SLC5A2: variants seen among roughly 807,000 people sequenced by gnomAD.
SLC5A2 encodes sodium/glucose cotransporter 2.
A neutral mutation model predicts 69.0 loss-of-function variants in SLC5A2; 67 were observed. That is an observed-to-expected ratio of 0.97 (90% CI 0.80 to 1.19). The LOEUF (loss-of-function observed/expected upper bound fraction) is 1.19. Among genes scored for constraint, SLC5A2 ranks in the 50% most tolerant of loss-of-function variants. SLC5A2 has a pLI of 0.00. For synonymous variants in SLC5A2, 455 were observed against 395.8 expected (o/e 1.15, Z -1.78); for missense variants, 1,001 against 921.5 (o/e 1.09, Z -1.12).
In SLC5A2 at chr16:31,487,634, T is replaced by G. The variant is rs753561499; in HGVS notation, c.760T>G (p.Phe254Val). 7 of 1,613,852 alleles carry G rather than the reference T, an allele frequency of 4.3e-6. No individual in the cohort carries two copies. Among genetic ancestry groups the G allele is most frequent in the Non-Finnish European group, 5.1e-6 (6 of 1,179,978 alleles). Reference sequence around the variant, plus strand: ...TCCAGCCGTGGGAAACATCTCCAGCTTCTGCTATCGACCCCGGCCCGACTC... The same window carrying G: ...TCCAGCCGTGGGAAACATCTCCAGCGTCTGCTATCGACCCCGGCCCGACTC... Reference protein sequence around the residue: ...EDPAVGNISSFCYRPRPDSYH... With the variant: ...EDPAVGNISSVCYRPRPDSYH... Residue 254 changes from phenylalanine (F) to valine (V), a missense_variant, in exon 7 of 14, where the codon TTC becomes GTC. Coordinates refer to ENST00000330498, the MANE Select transcript of SLC5A2 (RefSeq NM_003041.4).
rs1449545926 is a variant in SLC5A2, at chr16:31,483,164, G to A, written c.28G>A (p.Ala10Thr). The A allele has an allele frequency of 1.2e-6, 2 of 1,614,010 alleles. No individual in the cohort carries two copies. The highest frequency in any genetic ancestry group is 1.1e-5 in the South Asian group (1 of 91,080). The part of the protein sequence containing the change: MEEHTEAGS[A>T]PEMGAQKALI... ...GGAGGAGCACACAGAGGCAGGCTCG[G>A]CACCAGAGATGGGGGCCCAGAAGGC... The change falls in exon 1 of 14, where the codon GCA becomes ACA. Residue 10 changes from alanine to threonine, a missense_variant. Transcript: ENST00000330498.
At chr16:31,485,091 G>A (rs2082485382) in intron 3 of SLC5A2, 168 bp downstream of exon 3, 11 of 717,128 alleles carry the variant, frequency 1.5e-5, no homozygotes, top group Middle Eastern at 3.4e-4. Context: ...AGGAAGCAGA[G>A]GGGTGCAGGG....
chr16:31,488,725 G>A lies in SLC5A2; in HGVS notation c.1233G>A (p.Thr411=), dbSNP rs2082524566. The A allele has an allele frequency of 2.5e-6, 4 of 1,611,250 alleles. No individual in the cohort carries two copies. Among genetic ancestry groups the A allele is most frequent in the Non-Finnish European group, 3.4e-6 (4 of 1,178,916 alleles). The change falls in exon 10 of 14, where the codon ACG becomes ACA. Residue 411 remains threonine, a synonymous_variant. Coordinates refer to ENST00000330498, the MANE Select transcript of SLC5A2 (RefSeq NM_003041.4). ...CGCTCTTCACCATGGACATCTACAC[G>A]CGCCTGCGGCCACGCGCCGGCGACC... ...SSTLFTMDIY[T]RLRPRAGDRE...
chr16:31,488,104 G>C lies in SLC5A2; in HGVS notation c.952G>C (p.Gly318Arg), dbSNP rs2082515111. Residue 318 changes from glycine to arginine, a missense_variant, in exon 8 of 14, where the codon GGG becomes CGG. By Grantham distance (125) the Gly-to-Arg change is moderately radical. Coordinates refer to ENST00000330498, the MANE Select transcript of SLC5A2 (RefSeq NM_003041.4). ...CATCAAGGCGGGCTGCATCCTGTGT[G>C]GGTACCTGAAGCTGACGCCCATGTT... ...THIKAGCILC[G>R]YLKLTPMFLM... 2 of 1,614,088 alleles carry C rather than the reference G, an allele frequency of 1.2e-6. No individual in the cohort carries two copies. The highest frequency in any genetic ancestry group is 1.7e-6 in the Non-Finnish European group (2 of 1,179,978).
rs768128040 is a variant in SLC5A2 at position 31,487,411 on chromosome 16, G to A, written c.655+11G>A. ...TCCTCATGGGTTACGGTAGGGGCTC[G>A]CCTACCAGGGAGGGGCGCGGAGGGC... On this transcript the variant is annotated intron_variant, in intron 6 of 13. Coordinates refer to ENST00000330498, the MANE Select transcript of SLC5A2 (RefSeq NM_003041.4). 3.1e-6 allele frequency: 5 copies of A among 1,612,510 alleles called. No individual in the cohort carries two copies. Among genetic ancestry groups the A allele is most frequent in the East Asian group, 2.2e-5 (1 of 44,868 alleles).
intron 5 of SLC5A2, among the ~76,000 whole-genome samples, chr16:31,486,872 C>A (rs1408634320): frequency 6.6e-6 from 1 of 152,194 alleles, no homozygotes; most frequent in African/African-American, 2.4e-5. Context: ...TGGTGAAACC[C>A]CGTCTCTACT....
chr16:31,489,228 G>C lies in SLC5A2; in HGVS notation c.1555G>C (p.Ala519Pro). ...CTGTGTGCAGCCCTCGGCGTGCCCA[G>C]CTTTCCTCTGCGGCGTGCACTACCT... The part of the protein sequence containing the change: ...GSCVQPSACP[A>P]FLCGVHYLYF... The change falls in exon 12 of 14, where the codon GCT (alanine) becomes CCT (proline). Residue 519 changes from alanine to proline, a missense_variant. Physicochemically the swap from Ala to Pro is conservative, Grantham distance 27. Coordinates refer to ENST00000330498, the MANE Select transcript of SLC5A2 (RefSeq NM_003041.4). 6.2e-7 allele frequency: 1 copy of C among 1,610,428 alleles called. No individual in the cohort carries two copies. Among genetic ancestry groups the C allele is most frequent in the Non-Finnish European group, 8.5e-7 (1 of 1,179,988 alleles).
chr16:31,485,937 G>A (rs750757269), intron 4 of SLC5A2, 44 bp downstream of exon 4: 1 of 1,608,064 alleles, frequency 6.2e-7, no homozygotes, highest in Admixed American at 1.7e-5. Flanking sequence ...GAAGGGTGGG[G>A]CTCAAGTGGG....
At position 31,488,342 on chromosome 16, in the gene SLC5A2, C is replaced by T. The variant is rs1363006649; in HGVS notation, c.1022-41C>T. On this transcript the variant is annotated intron_variant, in intron 8 of 13. Coordinates refer to ENST00000330498, the MANE Select transcript of SLC5A2 (RefSeq NM_003041.4). The stretch of plus-strand genomic sequence containing the variant: ...GTCCCCACCTCCTGGGATTCCCAGA[C>T]CAGGCCCCGTCCTAACGGCGCGGTG... 6 of 1,605,738 alleles carry T rather than the reference C, an allele frequency of 3.7e-6. No individual in the cohort carries two copies. The South Asian group carries it at 5.5e-5, about 15-fold the overall frequency.
At chr16:31,489,605 G>A in intron 12 of SLC5A2, 1 of 576,002 alleles carries the variant, frequency 1.7e-6, no homozygotes, top group Non-Finnish European at 3.1e-6. Flanking sequence ...CAAAACACAG[G>A]ATCTGACTGG....
At chr16:31,489,963 G>A (rs1301569697) in intron 12 of SLC5A2, 141 bp from the exon 13 acceptor site, 16 of 1,103,896 alleles carry the variant, frequency 1.4e-5, no homozygotes, top group Non-Finnish European at 2.1e-5. Context: ...GGTGGAGTTG[G>A]CATGAGTTAA....
At chr16:31,489,679 C>G (rs2082542473) in intron 12 of SLC5A2, 1 of 474,442 alleles carries the variant, frequency 2.1e-6, no homozygotes, top group South Asian at 2.1e-5. Flanking sequence ...GGGCAGGTGG[C>G]TCCAGGCAGG....
At chr16:31,484,957 C>T (rs759552670) in intron 3 of SLC5A2, 34 bp downstream of exon 3, 2 of 1,566,074 alleles carry the variant, frequency 1.3e-6, no homozygotes, top group Non-Finnish European at 1.8e-6. Flanking sequence ...ACCCCACCCT[C>T]AGTGAGAACA....
In SLC5A2 at chr16:31,484,107, TG is replaced by T. The variant is rs568559519; in HGVS notation, c.127-562del. On this transcript the variant is annotated intron_variant, in intron 1 of 13. Coordinates refer to ENST00000330498, the MANE Select transcript of SLC5A2 (RefSeq NM_003041.4). ...TTGTCTCTAAAAAGAAAGACAGATG[TG>T]GGGCTGGGTGCGGTGGTTCATGCCT... Among the ~76,000 whole-genome samples, 69 of 151,092 alleles carry T rather than the reference TG, an allele frequency of 4.6e-4. 1 individual carries two copies. In the East Asian group the frequency reaches 0.013, roughly 27 times the overall value.
rs978810285 is a variant in SLC5A2 at position 31,490,457 on chromosome 16, G to C, written c.1941G>C (p.Pro647=). Residue 647 remains proline (P), a synonymous_variant, in exon 14 of 14, where the codon CCG becomes CCC. Transcript: ENST00000330498. ...GGCTGGAGGACATCAGCGAGGACCC[G>C]AGCTGGGCCCGTGTGGTCAACCTCA... ...ARRLEDISED[P]SWARVVNLNA... The C allele has an allele frequency of 6.2e-7, 1 of 1,613,902 alleles. No individual in the cohort carries two copies. Among genetic ancestry groups the C allele is most frequent in the Non-Finnish European group, 8.5e-7 (1 of 1,180,018 alleles).
intron 6 of SLC5A2, 30 bp from the exon 7 acceptor site, chr16:31,487,500 G>A (rs1286370688): frequency 1.2e-6 from 2 of 1,612,626 alleles, no homozygotes; most frequent in Non-Finnish European, 8.5e-7. Context: ...AGGGTCCTAA[G>A]GAGGGTCCCC....
In SLC5A2 at chr16:31,485,039, C is replaced by G. The variant is rs747789273; in HGVS notation, c.303+116C>G. On this transcript the variant is annotated intron_variant, in intron 3 of 13. Transcript: ENST00000330498. ...GACTGGCAGTGGGACTTCCCAACTG[C>G]GGGGTGTGACTGGGCTGGGAGTGGA... 8 of 947,802 alleles carry G rather than the reference C, an allele frequency of 8.4e-6. No homozygotes were observed. In the Admixed American group the frequency reaches 9.9e-5, roughly 12 times the overall value. 58.7% of individuals were successfully genotyped at this position (947,802 alleles called of 1,614,324 possible).
Position 31,485,827 on chromosome 16 carries a change from C to T in SLC5A2, c.402C>T (p.Gly134=), listed in dbSNP as rs750125158. Residue 134 remains glycine (G), a synonymous_variant, in exon 4 of 14, where the codon GGC becomes GGT. Transcript: ENST00000330498. The part of the protein sequence containing the change: ...TMPQYLRKRF[G]GRRIRLYLSV... ...CACAGTACCTGCGCAAGCGCTTCGG[C>T]GGCCGCCGCATCCGCCTCTACCTGT... 1.5e-5 allele frequency: 24 copies of T among 1,612,950 alleles called. No homozygotes were observed. Among genetic ancestry groups the T allele is most frequent in the Middle Eastern group, 1.6e-4 (1 of 6,084 alleles).
chr16:31,483,836 C>T (rs1046497418), intron 1 of SLC5A2, among the ~76,000 whole-genome samples: 26 of 151,942 alleles, frequency 1.7e-4, no homozygotes, highest in African/African-American at 6.3e-4. Flanking sequence ...ATCCTTCTGC[C>T]TCTGCCTCCC....
Sources: gnomAD v4.1 joint callset for allele counts (sites outside exome capture counted in the v4.1 genomes callset) on GRCh38, gnomAD v4.1.1 for gene constraint, MANE v1.5 for transcripts, NCBI Gene and HGNC (gene_info 2026-07-23, HGNC 2026-07-21) for gene names.